The following CCDC73 variants were observed in gnomAD, a reference collection of about 807,000 sequenced individuals.
CCDC73 encodes coiled-coil domain-containing protein 73.
A neutral mutation model predicts 116.5 loss-of-function variants in CCDC73; 95 were observed. The ratio of observed to expected loss-of-function variants is 0.82; its 90% CI spans 0.69 to 0.97. CCDC73 has a LOEUF of 0.97. Among genes scored for constraint, CCDC73 ranks in the 50% least tolerant of loss-of-function variants. The pLI, the probability that CCDC73 is intolerant of heterozygous loss-of-function variation, is 0.00. For missense variants in CCDC73, 1,066 were observed against 1,206.8 expected (o/e 0.88, Z 1.73); for synonymous variants, 398 against 401.3 (o/e 0.99, Z 0.10).
At chr11:32,810,743 GTCTT>G in the CCDC73 span, among the ~76,000 whole-genome samples, 1 of 152,042 alleles carries the variant, frequency 6.6e-6, no homozygotes, top group Non-Finnish European at 1.5e-5. Context: ...CTTAAGTCAA[GTCTT>G]TCTTTAACTC....
At chr11:32,667,103 G>A (rs578207823) in intron 9 of CCDC73, among the ~76,000 whole-genome samples, 4 of 152,300 alleles carry the variant, frequency 2.6e-5, no homozygotes, top group South Asian at 2.1e-4. Context: ...TAGGCTACTC[G>A]GAGGTCAGGG....
chr11:32,611,494 T>A (rs1312965797), intron 16 of CCDC73, among the ~76,000 whole-genome samples: 1 of 152,222 alleles, frequency 6.6e-6, no homozygotes, highest in African/African-American at 2.4e-5. Context: ...ATTACTGTAA[T>A]TCCACATTAA....
intron 1 of CCDC73, among the ~76,000 whole-genome samples, chr11:32,791,345 G>A (rs1590650038): frequency 6.6e-6 from 1 of 152,160 alleles, no homozygotes; most frequent in Non-Finnish European, 1.5e-5. Context: ...AGGGGCACAA[G>A]GCCCACAAGA....
chr11:32,628,738 A>C (rs1351242121), intron 14 of CCDC73, among the ~76,000 whole-genome samples: 1 of 152,242 alleles, frequency 6.6e-6, no homozygotes, highest in Non-Finnish European at 1.5e-5. Context: ...TCTAGCAATC[A>C]GCAATGTAAA....
intron 1 of CCDC73, among the ~76,000 whole-genome samples, chr11:32,793,038 G>C (rs1031860015): frequency 6.6e-6 from 1 of 152,164 alleles, no homozygotes; most frequent in Non-Finnish European, 1.5e-5. Flanking sequence ...CAGAGCGAAA[G>C]AAACTAAAAA....
rs573321779 is a variant in CCDC73 at position 32,614,403 on chromosome 11, G to A, written c.1915C>T (p.Pro639Ser). The change falls in exon 16 of 18, where the codon CCT (proline) becomes TCT (serine). Residue 639 changes from proline to serine, a missense_variant. Pro to Ser is a moderately conservative substitution (Grantham distance 74). Coordinates refer to ENST00000335185, the MANE Select transcript of CCDC73 (RefSeq NM_001008391.4). ...AAACTATATTTCTGACATGGAACAG[G>A]ATTTTTTTTTATATCTAGAGACGAG... is the stretch of plus-strand genomic sequence containing the variant. ...LDSSLDIKKNPVPCQKYSLRN... is the reference protein window; with the variant it reads ...LDSSLDIKKNSVPCQKYSLRN... 6 of 1,613,182 alleles carry A rather than the reference G, an allele frequency of 3.7e-6. No homozygotes were observed. The African/African-American group carries it at 4.0e-5, about 11-fold the overall frequency.
In CCDC73 at chr11:32,614,713, A is replaced by C. The variant is rs1447581065; in HGVS notation, c.1605T>G (p.Asn535Lys). The C allele has an allele frequency of 8.7e-6, 14 of 1,612,246 alleles. No individual in the cohort carries two copies. The African/African-American group carries it at 1.5e-4, about 17-fold the overall frequency. ...CTGTATCTAACACTACAAAATGATT[A>C]TTTGGTGATTTAAATTCTGTACATC... Reference protein sequence around the residue: ...DNGCTEFKSPNNHFVVLDTAI... With the variant: ...DNGCTEFKSPKNHFVVLDTAI... The change falls in exon 16 of 18, where the codon AAT (asparagine) becomes AAG (lysine). Residue 535 changes from asparagine to lysine, a missense_variant. Asn to Lys is a moderately conservative substitution (Grantham distance 94). Coordinates refer to ENST00000335185, the MANE Select transcript of CCDC73 (RefSeq NM_001008391.4).
At position 32,766,543 on chromosome 11, in the gene CCDC73, G is replaced by A. The variant is rs1365621944; in HGVS notation, c.-15-6285C>T. 3.9e-5 allele frequency among the ~76,000 whole-genome samples: 6 copies of A among 152,182 alleles called. No homozygotes were observed. In the East Asian group the frequency reaches 1.2e-3, roughly 29 times the overall value. ...GTCCCTGTTTGCAGATGACATGATT[G>A]TATATTTAGAAAACCCCATCGTCTC... On this transcript the variant is annotated intron_variant, in intron 1 of 17. Coordinates refer to ENST00000335185, the MANE Select transcript of CCDC73 (RefSeq NM_001008391.4).
chr11:32,607,080 A>ATTTTTT (rs759164050), intron 17 of CCDC73, among the ~76,000 whole-genome samples: 3 of 74,162 alleles, frequency 4.0e-5, no homozygotes, highest in East Asian at 4.3e-4. Flanking sequence ...CCAAAAATAA[A>ATTTTTT]TTTTTTTTTT....
chr11:32,727,729 G>A (rs536049832), intron 2 of CCDC73, among the ~76,000 whole-genome samples: 4 of 151,900 alleles, frequency 2.6e-5, no homozygotes, highest in South Asian at 2.1e-4. Flanking sequence ...CCACCACCAC[G>A]TCCGGCTAGT....
At chr11:32,640,826 G>T (rs1395377218) in intron 13 of CCDC73, among the ~76,000 whole-genome samples, 1 of 152,056 alleles carries the variant, frequency 6.6e-6, no homozygotes, top group Non-Finnish European at 1.5e-5. Flanking sequence ...GACCATCCTG[G>T]CTAACACAGT....
the CCDC73 span, among the ~76,000 whole-genome samples, chr11:32,805,192 C>T: frequency 6.6e-6 from 1 of 152,126 alleles, no homozygotes; most frequent in Admixed American, 6.6e-5. Flanking sequence ...GAGGCAGTTA[C>T]CCAGATAATT....
At chr11:32,658,272 T>C (rs1407224535) in intron 9 of CCDC73, among the ~76,000 whole-genome samples, 1 of 152,184 alleles carries the variant, frequency 6.6e-6, no homozygotes, top group East Asian at 1.9e-4. Flanking sequence ...TAATCTTTTC[T>C]CAATTACCAT....
chr11:32,760,310 T>A, intron 1 of CCDC73, 52 bp from the exon 2 acceptor site: 1 of 1,063,134 alleles, frequency 9.4e-7, no homozygotes, highest in Non-Finnish European at 1.4e-6. Context: ...GTTTTTCAAG[T>A]AAAAGCATAG....
rs189557746 is a variant in CCDC73, at chr11:32,733,947, C to T, written c.136-15800G>A. Among the ~76,000 whole-genome samples, 4 of 151,910 alleles carry T rather than the reference C, an allele frequency of 2.6e-5. No individual in the cohort carries two copies. The East Asian group carries it at 7.7e-4, about 29-fold the overall frequency. ...AGCAGAACTGAAGTAGATAGAGACACAAAAAAACTCTTCAAAAAAATCAAT... is the reference window on the plus strand; with the variant it reads ...AGCAGAACTGAAGTAGATAGAGACATAAAAAAACTCTTCAAAAAAATCAAT... On this transcript the variant is annotated intron_variant, in intron 2 of 17. Transcript: ENST00000335185.
At position 32,779,061 on chromosome 11, in the gene CCDC73, T is replaced by A. The variant is rs576144645; in HGVS notation, c.-16+15552A>T. ...GCTAGGACAATGTTCCATGAATACA[T>A]TACAAGTATTCATGTTCCATGAATA... On this transcript the variant is annotated intron_variant, in intron 1 of 17. Transcript: ENST00000335185. Among the ~76,000 whole-genome samples the A allele has an allele frequency of 8.7e-4, 133 of 152,226 alleles. 1 individual carries two copies. Among genetic ancestry groups the A allele is most frequent in the Non-Finnish European group, 9.1e-4 (62 of 68,016 alleles).
chr11:32,679,313 T>G (rs1174283620), intron 7 of CCDC73, among the ~76,000 whole-genome samples: 2 of 152,130 alleles, frequency 1.3e-5, no homozygotes, highest in Admixed American at 1.3e-4. Flanking sequence ...CTAACACAAT[T>G]TCACTGAAAA....
At chr11:32,683,719 T>A in intron 6 of CCDC73, 145 bp from the exon 7 acceptor site, 1 of 562,640 alleles carries the variant, frequency 1.8e-6, no homozygotes, top group Non-Finnish European at 3.2e-6. Flanking sequence ...TTATGGCACC[T>A]ACTATATGCT....
the CCDC73 span, chr11:32,830,472 CCTT>C: frequency 7.4e-7 from 1 of 1,345,518 alleles, no homozygotes; most frequent in Non-Finnish European, 1.0e-6. Context: ...GAGCTAGGGG[CCTT>C]TTTTTTTTAA....
Sources: allele counts gnomAD v4.1 joint callset (sites outside exome capture counted in the v4.1 genomes callset), GRCh38; gene constraint gnomAD v4.1.1; transcripts MANE v1.5; gene names NCBI Gene and HGNC (gene_info 2026-07-23, HGNC 2026-07-21).